SHQ1: variants seen among roughly 807,000 people sequenced by gnomAD.
The protein encoded by SHQ1 is protein SHQ1 homolog.
In SHQ1, 49 loss-of-function variants were observed where a neutral mutation model predicts 53.8. The observed-to-expected ratio is 0.91, with a 90% CI of 0.72 to 1.16. The LOEUF (loss-of-function observed/expected upper bound fraction) is 1.16, where lower values mean the gene tolerates loss of function less well. Ranked by LOEUF, SHQ1 falls within the 50% of genes most tolerant of loss-of-function variation. SHQ1 has a pLI of 0.00. For missense variants in SHQ1, 738 were observed against 683.1 expected, an observed-to-expected ratio of 1.08 and a Z score of -0.90; for synonymous variants, 243 against 251.0, an observed-to-expected ratio of 0.97 and a Z score of 0.30.
At chr3:72,825,314 G>C (rs1403692933) in intron 5 of SHQ1, among the ~76,000 whole-genome samples, 1 of 151,064 alleles carries the variant, frequency 6.6e-6, no homozygotes, top group Non-Finnish European at 1.5e-5. Context: ...AAGCAGATGA[G>C]TAGGAAATTC....
downstream of SHQ1, among the ~76,000 whole-genome samples, chr3:72,747,084 C>T (rs545233287): frequency 2.0e-5 from 3 of 152,126 alleles, no homozygotes; most frequent in African/African-American, 7.2e-5. Context: ...CTTCACAAAC[C>T]CTAAGTAAAA....
At chr3:72,806,509 C>T (rs1317865005) in intron 9 of SHQ1, among the ~76,000 whole-genome samples, 1 of 152,030 alleles carries the variant, frequency 6.6e-6, no homozygotes, top group African/African-American at 2.4e-5. Context: ...TACAATCTCC[C>T]GGGTGAGGAG....
At position 72,750,220 on chromosome 3, in the gene SHQ1, T is replaced by G. The variant is rs1374464752; in HGVS notation, c.*64A>C. On this transcript the variant is annotated 3_prime_UTR_variant, in exon 11 of 11. Coordinates refer to ENST00000325599, the MANE Select transcript of SHQ1 (RefSeq NM_018130.3). ...AAATTACAAAGTGAAAATGAAGAATTCTCATTCGGTAAATGAAACCCAATC... is the reference window on the plus strand; with the variant it reads ...AAATTACAAAGTGAAAATGAAGAATGCTCATTCGGTAAATGAAACCCAATC... 1 of 1,319,156 alleles carries G rather than the reference T, an allele frequency of 7.6e-7. No homozygotes were observed. The highest frequency in any genetic ancestry group is 1.1e-6 in the Non-Finnish European group (1 of 952,264). The allele number at this position is 1,319,156 out of a possible 1,614,324, so 81.7% of individuals were successfully genotyped here. A position where few individuals can be genotyped will look rare whatever the true frequency, so the allele number is the denominator to read the frequency against.
At chr3:72,790,673 TAAG>T (rs1431248253) in intron 10 of SHQ1, among the ~76,000 whole-genome samples, 1 of 152,072 alleles carries the variant, frequency 6.6e-6, no homozygotes, top group African/African-American at 2.4e-5. Flanking sequence ...CTTGTAAAAT[TAAG>T]AATAAAACTA....
chr3:72,779,949 A>G (rs34132129), intron 10 of SHQ1, among the ~76,000 whole-genome samples: 33,518 of 152,190 alleles, frequency 0.22, 3,914 homozygotes, highest in Non-Finnish European at 0.25. Flanking sequence ...ATAAAAAGGT[A>G]CAAGGCCAGG....
intron 9 of SHQ1, among the ~76,000 whole-genome samples, chr3:72,812,091 C>G (rs148455121): frequency 1.3e-5 from 2 of 152,196 alleles, no homozygotes; most frequent in South Asian, 4.1e-4. Context: ...TTAAAGCTAA[C>G]GAGTGTTTGT....
chr3:72,756,227 A>C (rs1355434519), intron 10 of SHQ1, among the ~76,000 whole-genome samples: 1 of 152,134 alleles, frequency 6.6e-6, no homozygotes, highest in Non-Finnish European at 1.5e-5. Context: ...CTCAACAAAC[A>C]CATAGGCTGA....
chr3:72,787,082 C>T (rs1220784288), intron 10 of SHQ1, among the ~76,000 whole-genome samples: 1 of 152,184 alleles, frequency 6.6e-6, no homozygotes, highest in Non-Finnish European at 1.5e-5. Flanking sequence ...GGTTTACTTA[C>T]AACTGAGGAA....
chr3:72,780,982 T>C (rs941967712), intron 10 of SHQ1, among the ~76,000 whole-genome samples: 2 of 151,910 alleles, frequency 1.3e-5, no homozygotes, highest in Admixed American at 6.6e-5. Flanking sequence ...TTTGTATTTT[T>C]AGTAGAGGCA....
At chr3:72,798,727 C>T (rs1706700358) in intron 9 of SHQ1, among the ~76,000 whole-genome samples, 1 of 152,230 alleles carries the variant, frequency 6.6e-6, no homozygotes, top group South Asian at 2.1e-4. Context: ...CACTGACAGA[C>T]CAGCTCATGG....
chr3:72,844,352 A>T lies in SHQ1; in HGVS notation c.208+7T>A. On this transcript the variant is annotated splice_region_variant and intron_variant, in intron 2 of 10. Transcript: ENST00000325599. ...AAATAAACTAACAAAAATTCCAAAG[A>T]CAATACCTTTATCTGCATCATAGGA... The T allele has an allele frequency of 6.2e-7, 1 of 1,612,118 alleles. No individual in the cohort carries two copies. The highest frequency in any genetic ancestry group is 8.5e-7 in the Non-Finnish European group (1 of 1,178,668).
rs759775659 is a variant in SHQ1 at position 72,750,261 on chromosome 3, C to G, written c.*23G>C. On this transcript the variant is annotated 3_prime_UTR_variant, in exon 11 of 11. Transcript: ENST00000325599. ...AAACCCAATCTACCATATTTCTCAA[C>G]AATGAATAAAACCACCTAAGAGTCA... 1 of 1,530,076 alleles carries G rather than the reference C, an allele frequency of 6.5e-7. No individual in the cohort carries two copies. Among genetic ancestry groups the G allele is most frequent in the Non-Finnish European group, 8.9e-7 (1 of 1,128,392 alleles). 94.8% of individuals were successfully genotyped at this position (1,530,076 alleles called of 1,614,324 possible).
At chr3:72,819,745 C>A (rs1707420582) in intron 6 of SHQ1, among the ~76,000 whole-genome samples, 1 of 152,146 alleles carries the variant, frequency 6.6e-6, no homozygotes, top group South Asian at 2.1e-4. Context: ...TTAAAATTTA[C>A]TGGATTTAAT....
At chr3:72,811,940 T>A (rs1319199015) in intron 9 of SHQ1, among the ~76,000 whole-genome samples, 1 of 152,208 alleles carries the variant, frequency 6.6e-6, no homozygotes, top group Admixed American at 6.5e-5. Flanking sequence ...AAGTGACTTT[T>A]AAATAAATGT....
At chr3:72,771,500 T>C (rs1482091663) in intron 10 of SHQ1, among the ~76,000 whole-genome samples, 3 of 152,194 alleles carry the variant, frequency 2.0e-5, no homozygotes, top group African/African-American at 7.2e-5. Flanking sequence ...AAGAATATAG[T>C]GAGTTAAGGT....
chr3:72,728,072 A>C, the SHQ1 span, among the ~76,000 whole-genome samples: 3 of 152,182 alleles, frequency 2.0e-5, no homozygotes, highest in Non-Finnish European at 4.4e-5. Flanking sequence ...ACTGTGGTCT[A>C]GTTGTCCACG....
intron 10 of SHQ1, among the ~76,000 whole-genome samples, chr3:72,754,205 A>G (rs1705450225): frequency 6.6e-6 from 1 of 152,108 alleles, no homozygotes; most frequent in Non-Finnish European, 1.5e-5. Flanking sequence ...TCCCTACATT[A>G]CAGATGAGGG....
chr3:72,846,293 A>G (rs1559704565), intron 1 of SHQ1: 13 of 1,482,196 alleles, frequency 8.8e-6, no homozygotes, highest in Non-Finnish European at 1.2e-5. Flanking sequence ...AGCAAACTGT[A>G]TGTTCTTTTT....
intron 10 of SHQ1, among the ~76,000 whole-genome samples, chr3:72,784,753 A>G (rs1026798587): frequency 6.6e-6 from 1 of 152,182 alleles, no homozygotes; most frequent in African/African-American, 2.4e-5. Flanking sequence ...AACCACCTAG[A>G]GTGTCTGATT....
Sources: allele counts gnomAD v4.1 joint callset (sites outside exome capture counted in the v4.1 genomes callset), GRCh38; gene constraint gnomAD v4.1.1; transcripts MANE v1.5; gene names NCBI Gene and HGNC (gene_info 2026-07-23, HGNC 2026-07-21).